The following SLC17A8 variants were observed in gnomAD, a reference collection of about 807,000 sequenced individuals.
The protein encoded by SLC17A8 is solute carrier family 17 member 8.
SLC17A8 carries 31 observed loss-of-function variants against 58.0 expected under a neutral mutation model. The observed-to-expected ratio is 0.53, with a 90% CI of 0.40 to 0.72. The LOEUF (loss-of-function observed/expected upper bound fraction) is 0.72, where lower values mean the gene tolerates loss of function less well. Among genes scored for constraint, SLC17A8 ranks in the 30% least tolerant of loss-of-function variants. The pLI is 0.00. For synonymous variants in SLC17A8, 228 were observed against 249.0 expected (o/e 0.92, Z 0.79); for missense variants, 655 against 727.8 (o/e 0.90, Z 1.15).
At chr12:100,404,425 A>G (rs1593004002) in intron 9 of SLC17A8, 1 of 484,458 alleles carries the variant, frequency 2.1e-6, no homozygotes, top group Non-Finnish European at 3.8e-6. Flanking sequence ...TTACCTTTCT[A>G]CCTATCCATA....
At position 100,421,790 on chromosome 12, in the gene SLC17A8, A is replaced by T. The variant is rs962365252; in HGVS notation, c.*1631A>T. 6.6e-6 allele frequency: 1 copy of T among 150,638 alleles called. No individual in the cohort carries two copies. Among genetic ancestry groups the T allele is most frequent in the Non-Finnish European group, 1.5e-5 (1 of 67,908 alleles). The allele number at this position is 150,638 out of a possible 1,614,324, so 9.3% of individuals were successfully genotyped here. ...AAATTGCGATTCTTCATTAAATAAT[A>T]TTCTTTATGTCACTAGCATACAATT... is the stretch of plus-strand genomic sequence containing the variant. On this transcript the variant is annotated 3_prime_UTR_variant, in exon 12 of 12. Coordinates refer to ENST00000323346, the MANE Select transcript of SLC17A8 (RefSeq NM_139319.3).
Position 100,402,722 on chromosome 12 carries a change from G to T in SLC17A8, c.1030G>T (p.Val344Phe). 6.2e-7 allele frequency: 1 copy of T among 1,613,928 alleles called. No individual in the cohort carries two copies. The highest frequency in any genetic ancestry group is 8.5e-7 in the Non-Finnish European group (1 of 1,179,982). The stretch of plus-strand genomic sequence containing the variant: ...AAGTCAGCCTGCTTATTTTGAAGAG[G>T]TCTTTGGATTTGCAATAAGTAAGGT... ...LISQPAYFEE[V>F]FGFAISKVGL... The change falls in exon 8 of 12, where the codon GTC becomes TTC. Residue 344 changes from valine (V) to phenylalanine (F), a missense_variant. By Grantham distance (50) the Val-to-Phe change is conservative (BLOSUM62 -1). Transcript: ENST00000323346.
At chr12:100,390,179 G>A (rs549252206) in intron 2 of SLC17A8, among the ~76,000 whole-genome samples, 1 of 151,978 alleles carries the variant, frequency 6.6e-6, no homozygotes, top group Non-Finnish European at 1.5e-5. Flanking sequence ...TGCCCAGGCT[G>A]GTCTTGAGCT....
At chr12:100,393,788 G>A (rs1952733317) in intron 4 of SLC17A8, among the ~76,000 whole-genome samples, 1 of 152,154 alleles carries the variant, frequency 6.6e-6, no homozygotes. Flanking sequence ...ACATAGCAGA[G>A]GCTCATTCCA....
At chr12:100,377,674 C>T (rs1952604664) in intron 1 of SLC17A8, among the ~76,000 whole-genome samples, 1 of 150,308 alleles carries the variant, frequency 6.7e-6, no homozygotes, top group Admixed American at 6.7e-5. Context: ...CTGCAGCCTC[C>T]GCCTCCCAGA....
At chr12:100,357,777 A>G (rs1375181352) in intron 1 of SLC17A8, among the ~76,000 whole-genome samples, 1 of 152,252 alleles carries the variant, frequency 6.6e-6, no homozygotes, top group Non-Finnish European at 1.5e-5. Context: ...TATGTTTGGC[A>G]TTGAATTAGA....
At chr12:100,393,847 G>T (rs1566396876) in intron 4 of SLC17A8, among the ~76,000 whole-genome samples, 1 of 152,148 alleles carries the variant, frequency 6.6e-6, no homozygotes, top group Non-Finnish European at 1.5e-5. Context: ...ATTTTCAAGG[G>T]TGTAGTCTGA....
intron 1 of SLC17A8, among the ~76,000 whole-genome samples, chr12:100,358,889 C>A (rs551116134): frequency 1.3e-5 from 2 of 152,290 alleles, no homozygotes; most frequent in Non-Finnish European, 2.9e-5. Context: ...CGCCTGTAAT[C>A]CCAGCACTTT....
chr12:100,408,820 G>A (rs1490617128), intron 9 of SLC17A8, among the ~76,000 whole-genome samples: 1 of 152,174 alleles, frequency 6.6e-6, no homozygotes, highest in Non-Finnish European at 1.5e-5. Flanking sequence ...GCACTTCTAA[G>A]ACACATATAG....
At chr12:100,387,014 G>A (rs767072105) in intron 2 of SLC17A8, among the ~76,000 whole-genome samples, 12 of 152,092 alleles carry the variant, frequency 7.9e-5, no homozygotes, top group Non-Finnish European at 1.3e-4. Flanking sequence ...ATCTGTCAAC[G>A]GGCATTCAGG....
intron 1 of SLC17A8, among the ~76,000 whole-genome samples, chr12:100,362,013 G>T (rs1952488188): frequency 3.9e-5 from 6 of 152,116 alleles, no homozygotes. Flanking sequence ...AAGCAAGGAT[G>T]CATGCTCACA....
In SLC17A8 at chr12:100,391,042, C is replaced by T; in HGVS notation, c.396C>T (p.Ile132=). ...FNWDPETVGL[I]HGSFFWGYIM... is the part of the protein sequence containing the mutation. ...GGGATCCAGAAACAGTGGGCCTTAT[C>T]CATGGATCTTTTTTCTGGGGCTATA... The change falls in exon 3 of 12, where the codon ATC becomes ATT. Residue 132 remains isoleucine (I), a synonymous_variant. Transcript: ENST00000323346. The T allele has an allele frequency of 6.2e-7, 1 of 1,613,854 alleles. No individual in the cohort carries two copies. The highest frequency in any genetic ancestry group is 8.5e-7 in the Non-Finnish European group (1 of 1,179,804).
At chr12:100,406,338 T>C (rs567927736) in intron 9 of SLC17A8, among the ~76,000 whole-genome samples, 173 of 152,254 alleles carry the variant, frequency 1.1e-3, no homozygotes, top group African/African-American at 4.0e-3. Flanking sequence ...GTATGTGCAA[T>C]GACCCTGGGG....
chr12:100,376,670 A>G (rs1402449497), intron 1 of SLC17A8, among the ~76,000 whole-genome samples: 1 of 152,218 alleles, frequency 6.6e-6, no homozygotes, highest in Non-Finnish European at 1.5e-5. Flanking sequence ...ACATGAAAGT[A>G]TCTGTAGAGG....
intron 3 of SLC17A8, 31 bp from the exon 4 acceptor site, chr12:100,393,338 T>G (rs1340164184): frequency 6.6e-7 from 1 of 1,510,650 alleles, no homozygotes; most frequent in Non-Finnish European, 9.2e-7. Flanking sequence ...TCAGCAGACC[T>G]GCCGAATAAC....
intron 1 of SLC17A8, among the ~76,000 whole-genome samples, chr12:100,366,528 G>T (rs530262020): frequency 1.3e-5 from 2 of 152,276 alleles, no homozygotes; most frequent in Admixed American, 6.5e-5. Context: ...AAAGATAGAG[G>T]TATTTCTCTT....
At chr12:100,386,498 C>A (rs975635101) in intron 2 of SLC17A8, among the ~76,000 whole-genome samples, 5 of 152,174 alleles carry the variant, frequency 3.3e-5, no homozygotes, top group African/African-American at 1.2e-4. Context: ...AACCATCATT[C>A]TACTCTTCAA....
Position 100,370,360 on chromosome 12 carries a change from C to G in SLC17A8, c.102-10341C>G, listed in dbSNP as rs549335911. On this transcript the variant is annotated intron_variant, in intron 1 of 11. Coordinates refer to ENST00000323346, the MANE Select transcript of SLC17A8 (RefSeq NM_139319.3). Reference sequence around the variant, plus strand: ...TCACCTAGGCTGGAGTGCAAAGGCACAATCTCAGCTCACTACAACCTCTGC... The same window carrying G: ...TCACCTAGGCTGGAGTGCAAAGGCAGAATCTCAGCTCACTACAACCTCTGC... Among the ~76,000 whole-genome samples the G allele has an allele frequency of 7.9e-5, 12 of 151,938 alleles. 1 individual carries two copies. The highest frequency in any genetic ancestry group is 2.9e-4 in the African/African-American group (12 of 41,422).
chr12:100,418,035 A>ATGTCAAT lies in SLC17A8; in HGVS notation c.1310_1311insTTGTCAA (p.His438CysfsTer43). On this transcript the variant is annotated frameshift_variant, in exon 11 of 12. Coordinates refer to ENST00000323346, the MANE Select transcript of SLC17A8 (RefSeq NM_139319.3). LOFTEE classifies it high-confidence loss of function. ...GGTTTTGGCTTCACTGTAGGTTTTAATGTCAACCACCTGGACATTGCCCCA... is the reference window on the plus strand; with the variant it reads ...GGTTTTGGCTTCACTGTAGGTTTTAATGTCAATTGTCAACCACCTGGACATTGCCCCA... 1 of 1,614,186 alleles carries ATGTCAAT rather than the reference A, an allele frequency of 6.2e-7. No homozygotes were observed. The highest frequency in any genetic ancestry group is 8.5e-7 in the Non-Finnish European group (1 of 1,180,030).
Sources: gnomAD v4.1 joint callset for allele counts (sites outside exome capture counted in the v4.1 genomes callset) on GRCh38, gnomAD v4.1.1 for gene constraint, MANE v1.5 for transcripts, NCBI Gene and HGNC (gene_info 2026-07-23, HGNC 2026-07-21) for gene names.